PPFIA2: variants seen among roughly 807,000 people sequenced by gnomAD.
PPFIA2 encodes PPFI scaffold protein A2, also known as liprin-alpha-2.
A neutral mutation model predicts 175.5 loss-of-function variants in PPFIA2; 46 were observed. The ratio of observed to expected loss-of-function variants is 0.26; its 90% CI spans 0.21 to 0.34. The LOEUF (loss-of-function observed/expected upper bound fraction) is 0.34, where lower values mean the gene tolerates loss of function less well. Ranked by LOEUF, PPFIA2 falls within the 10% of genes least tolerant of loss-of-function variation. PPFIA2 has a pLI of 1.00. For synonymous variants in PPFIA2, 568 were observed against 511.4 expected (o/e 1.11, Z -1.49); for missense variants, 1,179 against 1,506.1 (o/e 0.78, Z 3.60).
intron 4 of PPFIA2, among the ~76,000 whole-genome samples, chr12:81,483,946 AG>A (rs2058534978): frequency 6.6e-6 from 1 of 151,996 alleles, no homozygotes; most frequent in African/African-American, 2.4e-5. Flanking sequence ...GACCGATAAA[AG>A]TAAATTATTT....
chr12:81,369,108 T>C lies in PPFIA2; in HGVS notation c.1350+3A>G. On this transcript the variant is annotated splice_donor_region_variant and intron_variant, in intron 12 of 32. Transcript: ENST00000549396. ...GGGGGGTAATAGTTCTTAATATACA[T>C]ACTCTTTGAAGTTCTTGATTCTTCT... The C allele has an allele frequency of 6.3e-7, 1 of 1,590,012 alleles. No individual in the cohort carries two copies.
intron 4 of PPFIA2, among the ~76,000 whole-genome samples, chr12:81,539,915 T>G (rs2065951079): frequency 6.6e-6 from 1 of 152,098 alleles, no homozygotes; most frequent in Non-Finnish European, 1.5e-5. Flanking sequence ...TTGATTTCAC[T>G]AAGTTCAATT....
intron 4 of PPFIA2, among the ~76,000 whole-genome samples, chr12:81,553,620 GAGAGGAGCCAT>G (rs1318406401): frequency 1.2e-4 from 18 of 152,072 alleles, no homozygotes; most frequent in Admixed American, 7.9e-4. Context: ...CTCTGCGGAA[GAGAGGAGCCAT>G]AGAGGAGCAC....
intron 22 of PPFIA2, among the ~76,000 whole-genome samples, chr12:81,305,978 A>G: frequency 6.6e-6 from 1 of 152,036 alleles, no homozygotes; most frequent in East Asian, 1.9e-4. Context: ...TTATTCACAG[A>G]CCTCTCACTT....
At chr12:81,688,644 G>A (rs2074777407) in intron 3 of PPFIA2, among the ~76,000 whole-genome samples, 1 of 150,236 alleles carries the variant, frequency 6.7e-6, no homozygotes, top group South Asian at 2.1e-4. Flanking sequence ...AGTGATTTTT[G>A]TAAGAGGGAA....
intron 4 of PPFIA2, among the ~76,000 whole-genome samples, chr12:81,608,925 T>A (rs2060609199): frequency 6.6e-6 from 1 of 152,014 alleles, no homozygotes; most frequent in African/African-American, 2.4e-5. Flanking sequence ...AATGAAGGTA[T>A]TTAGGGCTAT....
chr12:81,552,993 C>T (rs1215512134), intron 4 of PPFIA2, among the ~76,000 whole-genome samples: 1 of 152,002 alleles, frequency 6.6e-6, no homozygotes, highest in Non-Finnish European at 1.5e-5. Flanking sequence ...CTTTGCTCAT[C>T]ACTGAGGACA....
chr12:81,552,684 T>C (rs2068135739), intron 4 of PPFIA2, among the ~76,000 whole-genome samples: 3 of 152,020 alleles, frequency 2.0e-5, no homozygotes, highest in Admixed American at 2.0e-4. Flanking sequence ...ATGATAATAA[T>C]TCAAATAAAC....
At chr12:81,287,157 G>T (rs1458880597) in intron 24 of PPFIA2, among the ~76,000 whole-genome samples, 1 of 151,834 alleles carries the variant, frequency 6.6e-6, no homozygotes, top group Non-Finnish European at 1.5e-5. Context: ...TACCTGAGAA[G>T]AAATTCATTT....
chr12:81,286,766 C>G (rs1158064533), intron 24 of PPFIA2, among the ~76,000 whole-genome samples: 1 of 151,970 alleles, frequency 6.6e-6, no homozygotes, highest in African/African-American at 2.4e-5. Context: ...AAAAATTCCA[C>G]AGGCTAGACA....
At chr12:81,297,487 C>A (rs967708686) in intron 23 of PPFIA2, among the ~76,000 whole-genome samples, 1 of 152,076 alleles carries the variant, frequency 6.6e-6, no homozygotes, top group African/African-American at 2.4e-5. Context: ...AGGGGAAGAT[C>A]TAAGTACAAT....
chr12:81,321,848 C>T (rs1309061718), intron 22 of PPFIA2, among the ~76,000 whole-genome samples: 2 of 152,074 alleles, frequency 1.3e-5, no homozygotes, highest in African/African-American at 4.8e-5. Flanking sequence ...GGGGGGCAGG[C>T]CCATGTAGGT....
At chr12:81,551,818 T>C (rs1231221241) in intron 4 of PPFIA2, among the ~76,000 whole-genome samples, 1 of 151,906 alleles carries the variant, frequency 6.6e-6, no homozygotes, top group Non-Finnish European at 1.5e-5. Flanking sequence ...AATTACAATC[T>C]CTGTTTTATT....
At chr12:81,749,602 AT>A (rs1428259341) in intron 3 of PPFIA2, among the ~76,000 whole-genome samples, 1 of 144,178 alleles carries the variant, frequency 6.9e-6, no homozygotes, top group African/African-American at 2.4e-5. Flanking sequence ...TTCCTAGTAA[AT>A]TACTCTAATT....
intron 4 of PPFIA2, among the ~76,000 whole-genome samples, chr12:81,642,851 AAC>A (rs1567691570): frequency 7.2e-6 from 1 of 139,726 alleles, no homozygotes; most frequent in Non-Finnish European, 1.5e-5. Context: ...ATACATATAT[AAC>A]ATGTATTACA....
chr12:81,489,591 A>G (rs1407927860), intron 4 of PPFIA2, among the ~76,000 whole-genome samples: 4 of 151,930 alleles, frequency 2.6e-5, no homozygotes, highest in African/African-American at 2.4e-5. Flanking sequence ...AGTACAGAAA[A>G]GAAAAAATAA....
intron 21 of PPFIA2, among the ~76,000 whole-genome samples, chr12:81,327,316 T>C (rs2055005096): frequency 1.3e-5 from 2 of 152,076 alleles, no homozygotes; most frequent in Non-Finnish European, 2.9e-5. Flanking sequence ...CTTTTTTTAT[T>C]ATGAAAGATT....
intron 5 of PPFIA2, among the ~76,000 whole-genome samples, chr12:81,447,674 C>A (rs1593135591): frequency 6.6e-6 from 1 of 152,226 alleles, no homozygotes; most frequent in Middle Eastern, 3.4e-3. Flanking sequence ...TCTATTTTCC[C>A]ATTGCAATAA....
At position 81,754,591 on chromosome 12, in the gene PPFIA2, T is replaced by C. The variant is rs534724041; in HGVS notation, c.-2-368A>G. The stretch of plus-strand genomic sequence containing the variant: ...CTTATCTGCAAGTTTACAAATCTCT[T>C]ACAGCGAATACTTTTATGTTACCCT... On this transcript the variant is annotated intron_variant, in intron 2 of 32. Transcript: ENST00000549396. 6.6e-5 allele frequency among the ~76,000 whole-genome samples: 10 copies of C among 152,330 alleles called. No homozygotes were observed. The South Asian group carries it at 2.1e-3, about 32-fold the overall frequency.
Sources: gnomAD v4.1 joint callset for allele counts (sites outside exome capture counted in the v4.1 genomes callset) on GRCh38, gnomAD v4.1.1 for gene constraint, MANE v1.5 for transcripts, NCBI Gene and HGNC (gene_info 2026-07-23, HGNC 2026-07-21) for gene names.